OR9Q1: variants seen among roughly 807,000 people sequenced by gnomAD.
OR9Q1 encodes the protein olfactory receptor 9Q1.
For missense variants in OR9Q1, 374 were observed against 378.8 expected, an observed-to-expected ratio of 0.99 and a Z score of 0.11; for synonymous variants, 153 against 148.6, an observed-to-expected ratio of 1.03 and a Z score of -0.22.
intron 2 of OR9Q1, among the ~76,000 whole-genome samples, chr11:58,174,970 G>A (rs1256028602): frequency 6.6e-6 from 1 of 151,556 alleles, no homozygotes; most frequent in Admixed American, 6.6e-5. Flanking sequence ...GCTGGGCATG[G>A]TGGTGCACCC....
At chr11:58,054,318 A>G (rs11229236) in intron 1 of OR9Q1, among the ~76,000 whole-genome samples, 101,345 of 151,950 alleles carry the variant, frequency 0.67, 34,237 homozygotes, top group Middle Eastern at 0.79. Flanking sequence ...GAACTCTTTA[A>G]GAAGACATTT....
At chr11:58,089,433 G>GT (rs888150370) in intron 2 of OR9Q1, among the ~76,000 whole-genome samples, 2 of 151,778 alleles carry the variant, frequency 1.3e-5, no homozygotes, top group African/African-American at 2.4e-5. Context: ...TTTTTGTCGG[G>GT]TTTGTCGAAG....
intron 2 of OR9Q1, among the ~76,000 whole-genome samples, chr11:58,127,362 G>C (rs1010612492): frequency 3.3e-5 from 5 of 152,224 alleles, no homozygotes; most frequent in Non-Finnish European, 5.9e-5. Flanking sequence ...GGGAGTGCTT[G>C]AAGGAGAAAC....
intron 2 of OR9Q1, among the ~76,000 whole-genome samples, chr11:58,056,162 T>C (rs1853326092): frequency 6.6e-6 from 1 of 152,236 alleles, no homozygotes; most frequent in Non-Finnish European, 1.5e-5. Context: ...TGGTGTTTGC[T>C]GATTTCCCTG....
chr11:58,088,518 C>A (rs537862076), intron 2 of OR9Q1, among the ~76,000 whole-genome samples: 1 of 151,916 alleles, frequency 6.6e-6, no homozygotes, highest in African/African-American at 2.4e-5. Context: ...GCCATTCTAA[C>A]TGGAATGAGA....
At chr11:58,077,251 A>G (rs1853546199) in intron 2 of OR9Q1, 1 of 152,192 alleles carries the variant, frequency 6.6e-6, no homozygotes, top group Non-Finnish European at 1.5e-5. Flanking sequence ...CTGATCTTGC[A>G]AGTTTGTCAA....
chr11:58,101,728 T>A (rs985353825), intron 2 of OR9Q1, among the ~76,000 whole-genome samples: 8 of 152,090 alleles, frequency 5.3e-5, no homozygotes, highest in Non-Finnish European at 8.8e-5. Context: ...CCAGAACAGG[T>A]TTCCTAAGTT....
chr11:58,027,671 G>GAA (rs1416596229), intron 1 of OR9Q1, among the ~76,000 whole-genome samples: 1 of 152,104 alleles, frequency 6.6e-6, no homozygotes, highest in East Asian at 1.9e-4. Flanking sequence ...AGATAGTGGG[G>GAA]AAACTGCTCC....
intron 1 of OR9Q1, chr11:58,044,889 C>T (rs1233621821): frequency 6.6e-6 from 1 of 152,176 alleles, no homozygotes; most frequent in Non-Finnish European, 1.5e-5. Flanking sequence ...TGGGGCATCC[C>T]TAATTTGAAA....
intron 2 of OR9Q1, among the ~76,000 whole-genome samples, chr11:58,082,474 T>A (rs1292918519): frequency 6.6e-6 from 1 of 151,404 alleles, no homozygotes; most frequent in Admixed American, 6.6e-5. Context: ...GAAATCATCA[T>A]CCTCAGTAAA....
At chr11:58,082,919 A>G (rs1181046646) in intron 2 of OR9Q1, among the ~76,000 whole-genome samples, 2 of 149,902 alleles carry the variant, frequency 1.3e-5, no homozygotes, top group East Asian at 2.0e-4. Context: ...AGCATTAGGT[A>G]TATCTCCTAA....
chr11:58,065,857 G>A (rs1392310912), intron 2 of OR9Q1, among the ~76,000 whole-genome samples: 1 of 152,210 alleles, frequency 6.6e-6, no homozygotes, highest in East Asian at 1.9e-4. Flanking sequence ...TCAGGTGCGT[G>A]TTCCTACTGC....
intron 2 of OR9Q1, among the ~76,000 whole-genome samples, chr11:58,072,107 A>G (rs1320796680): frequency 6.6e-6 from 1 of 152,236 alleles, no homozygotes; most frequent in African/African-American, 2.4e-5. Flanking sequence ...TTGTAAAAAT[A>G]TAACAGTTTT....
intron 2 of OR9Q1, among the ~76,000 whole-genome samples, chr11:58,127,706 G>C (rs1235835487): frequency 6.6e-6 from 1 of 152,168 alleles, no homozygotes; most frequent in Admixed American, 6.5e-5. Flanking sequence ...TGTTAACTGG[G>C]ATACTTAAAG....
Position 58,035,210 on chromosome 11 carries a change from A to C in OR9Q1, c.-93+11106A>C, listed in dbSNP as rs138277369. Among the ~76,000 whole-genome samples, 760 of 152,274 alleles carry C rather than the reference A, an allele frequency of 5.0e-3. 7 individuals carry two copies. The highest frequency in any genetic ancestry group is 0.01 in the Middle Eastern group (3 of 294). ...CAAATCTAATTGCAAGGGTAGTAAA[A>C]ATAGTCCATAGTTAGGTAGCCAGAT... On this transcript the variant is annotated intron_variant, in intron 1 of 2. Transcript: ENST00000335397.
chr11:58,116,587 A>G (rs996587366), intron 2 of OR9Q1, among the ~76,000 whole-genome samples: 5 of 152,216 alleles, frequency 3.3e-5, no homozygotes, highest in Non-Finnish European at 5.9e-5. Context: ...AATGATGCTT[A>G]TTATTCTCAT....
intron 2 of OR9Q1, among the ~76,000 whole-genome samples, chr11:58,108,045 G>A (rs181358174): frequency 1.3e-5 from 2 of 152,218 alleles, no homozygotes; most frequent in African/African-American, 2.4e-5. Context: ...AAAAGAAATT[G>A]GAGATTCAGA....
At chr11:58,170,558 C>T (rs1433104274) in intron 2 of OR9Q1, among the ~76,000 whole-genome samples, 2 of 152,152 alleles carry the variant, frequency 1.3e-5, no homozygotes, top group African/African-American at 2.4e-5. Flanking sequence ...TGTGTCCCCA[C>T]CCATATCTCA....
At position 58,142,800 on chromosome 11, in the gene OR9Q1, C is replaced by A. The variant is rs948474322; in HGVS notation, c.-14-36631C>A. Among the ~76,000 whole-genome samples the A allele has an allele frequency of 5.9e-5, 9 of 152,158 alleles. No homozygotes were observed. The East Asian group carries it at 1.7e-3, about 29-fold the overall frequency. Reference sequence around the variant, plus strand: ...TAGAATTCAAAACTCAGTGTGCTGGCTTTGTCTGTTAATGAGTTTTGCAGG... The same window carrying A: ...TAGAATTCAAAACTCAGTGTGCTGGATTTGTCTGTTAATGAGTTTTGCAGG... On this transcript the variant is annotated intron_variant, in intron 2 of 2. Coordinates refer to ENST00000335397, the MANE Select transcript of OR9Q1 (RefSeq NM_001005212.4).
Sources: allele counts gnomAD v4.1 joint callset (sites outside exome capture counted in the v4.1 genomes callset), GRCh38; gene constraint gnomAD v4.1.1; transcripts MANE v1.5; gene names NCBI Gene and HGNC (gene_info 2026-07-23, HGNC 2026-07-21).